DCC: variants seen among roughly 807,000 people sequenced by gnomAD.
DCC encodes the protein netrin receptor DCC.
DCC carries 58 observed loss-of-function variants against 172.5 expected under a neutral mutation model. The observed-to-expected ratio is 0.34, with a 90% CI of 0.27 to 0.42. The LOEUF (loss-of-function observed/expected upper bound fraction) is 0.42. Among genes scored for constraint, DCC ranks in the 10% least tolerant of loss-of-function variants. The pLI is 1.00. For missense variants in DCC, 1,740 were observed against 1,791.0 expected, an observed-to-expected ratio of 0.97 and a Z score of 0.51; for synonymous variants, 709 against 644.5, an observed-to-expected ratio of 1.10 and a Z score of -1.52.
At chr18:52,508,320 A>AT (rs1368091704) in intron 1 of DCC, among the ~76,000 whole-genome samples, 3 of 152,142 alleles carry the variant, frequency 2.0e-5, no homozygotes, top group African/African-American at 7.2e-5. Flanking sequence ...ATCTTTATAC[A>AT]TTTTATCATT....
chr18:52,487,810 C>CAAAAAAAAA (rs5824940), intron 1 of DCC, among the ~76,000 whole-genome samples: 19 of 74,398 alleles, frequency 2.6e-4, no homozygotes, highest in South Asian at 7.5e-4. Context: ...GACTCCACCT[C>CAAAAAAAAA]AAAAAAAAAA....
intron 2 of DCC, among the ~76,000 whole-genome samples, chr18:52,900,663 T>C (rs2039796561): frequency 6.6e-6 from 1 of 152,262 alleles, no homozygotes; most frequent in South Asian, 2.1e-4. Flanking sequence ...CTTTCCTTTT[T>C]ATAGTTTCTC....
chr18:52,406,606 T>C (rs1986660925), intron 1 of DCC, among the ~76,000 whole-genome samples: 1 of 152,110 alleles, frequency 6.6e-6, no homozygotes, highest in Admixed American at 6.6e-5. Flanking sequence ...TCTGTGCCCT[T>C]CTGATTAAAA....
intron 1 of DCC, among the ~76,000 whole-genome samples, chr18:52,561,114 TC>T (rs1480976851): frequency 6.6e-6 from 1 of 152,054 alleles, no homozygotes; most frequent in East Asian, 1.9e-4. Context: ...TTTTTTAATT[TC>T]TTTATTGCCC....
At chr18:52,934,824 T>C (rs752039427) in intron 5 of DCC, 5 of 152,160 alleles carry the variant, frequency 3.3e-5, no homozygotes, top group Non-Finnish European at 7.3e-5. Flanking sequence ...GAAAAGGCCA[T>C]GTGAGAACAG....
intron 12 of DCC, among the ~76,000 whole-genome samples, chr18:53,227,697 A>C (rs1036909211): frequency 2.6e-5 from 4 of 152,214 alleles, no homozygotes; most frequent in Admixed American, 1.3e-4. Context: ...ATCTTAATGC[A>C]ACTGGTGGAA....
intron 1 of DCC, among the ~76,000 whole-genome samples, chr18:52,663,164 C>A (rs1161308223): frequency 1.3e-5 from 2 of 152,164 alleles, no homozygotes; most frequent in Non-Finnish European, 2.9e-5. Context: ...CTGTGTGCAG[C>A]CAAGTTTCAA....
chr18:53,062,885 G>A (rs2042515207), intron 5 of DCC, among the ~76,000 whole-genome samples: 1 of 152,034 alleles, frequency 6.6e-6, no homozygotes, highest in African/African-American at 2.4e-5. Flanking sequence ...TAGAATTACA[G>A]GACAACTGAG....
At chr18:53,040,066 T>C (rs1447441938) in intron 5 of DCC, among the ~76,000 whole-genome samples, 1 of 151,896 alleles carries the variant, frequency 6.6e-6, no homozygotes, top group African/African-American at 2.4e-5. Context: ...AGAGGCTGAA[T>C]GTCAAAGCTT....
chr18:53,342,809 CTG>C (rs1410888846), intron 15 of DCC, among the ~76,000 whole-genome samples: 4 of 121,692 alleles, frequency 3.3e-5, no homozygotes, highest in Non-Finnish European at 5.6e-5. Flanking sequence ...ATATTTAGGA[CTG>C]TTTAAATTAT....
chr18:52,825,879 A>G lies in DCC; in HGVS notation c.412+73505A>G, dbSNP rs1221875024. Among the ~76,000 whole-genome samples the G allele has an allele frequency of 2.6e-5, 4 of 152,238 alleles. 1 individual carries two copies. In the South Asian group the frequency reaches 8.3e-4, roughly 31 times the overall value. ...GGTTTCAAATGCATGCCCAGGAGGCAAAATACTGAATAAACTGTGATGACT... is the reference window on the plus strand; with the variant it reads ...GGTTTCAAATGCATGCCCAGGAGGCGAAATACTGAATAAACTGTGATGACT... On this transcript the variant is annotated intron_variant, in intron 2 of 28. Coordinates refer to ENST00000442544, the MANE Select transcript of DCC (RefSeq NM_005215.4).
At chr18:52,772,296 G>A (rs1046821924) in intron 2 of DCC, among the ~76,000 whole-genome samples, 1 of 152,158 alleles carries the variant, frequency 6.6e-6, no homozygotes, top group Non-Finnish European at 1.5e-5. Context: ...GTAAACCATG[G>A]ATATCAAGAG....
chr18:52,388,691 T>C (rs1985914369), intron 1 of DCC, among the ~76,000 whole-genome samples: 1 of 152,120 alleles, frequency 6.6e-6, no homozygotes, highest in African/African-American at 2.4e-5. Flanking sequence ...ATGTATTCTT[T>C]GGACATTTTT....
intron 15 of DCC, among the ~76,000 whole-genome samples, chr18:53,367,287 G>A (rs1044509596): frequency 1.3e-5 from 2 of 151,726 alleles, no homozygotes; most frequent in African/African-American, 4.9e-5. Flanking sequence ...AATGAGTATA[G>A]CCCTCTCATT....
At chr18:52,843,216 T>C (rs1416002694) in intron 2 of DCC, among the ~76,000 whole-genome samples, 1 of 152,228 alleles carries the variant, frequency 6.6e-6, no homozygotes, top group Non-Finnish European at 1.5e-5. Context: ...AACTAGACTG[T>C]GTTTATGCAA....
At chr18:52,958,899 G>A (rs762400157) in intron 5 of DCC, among the ~76,000 whole-genome samples, 16 of 152,190 alleles carry the variant, frequency 1.1e-4, no homozygotes, top group Non-Finnish European at 1.9e-4. Flanking sequence ...CACAGCCCGC[G>A]GGCCATATGC....
At chr18:52,394,008 C>T (rs920530949) in intron 1 of DCC, among the ~76,000 whole-genome samples, 2 of 152,034 alleles carry the variant, frequency 1.3e-5, no homozygotes, top group Non-Finnish European at 2.9e-5. Context: ...CCACACAGTA[C>T]CCTACCTACT....
At position 52,627,808 on chromosome 18, in the gene DCC, C is replaced by T. The variant is rs370266821; in HGVS notation, c.92-124246C>T. Among the ~76,000 whole-genome samples, 22 of 152,276 alleles carry T rather than the reference C, an allele frequency of 1.4e-4. No individual in the cohort carries two copies. The East Asian group carries it at 4.3e-3, about 29-fold the overall frequency. The stretch of plus-strand genomic sequence containing the variant: ...TGTGAGCCAGAGTTTGGAAGTGTAC[C>T]TGGTCATTTGCTTGGTGTTACCATT... On this transcript the variant is annotated intron_variant, in intron 1 of 28. Coordinates refer to ENST00000442544, the MANE Select transcript of DCC (RefSeq NM_005215.4).
At chr18:53,494,458 A>T (rs1393822936) in intron 26 of DCC, among the ~76,000 whole-genome samples, 1 of 152,170 alleles carries the variant, frequency 6.6e-6, no homozygotes, top group African/African-American at 2.4e-5. Context: ...ATCTCTTTGT[A>T]GGTCTATAAG....
Sources: gnomAD v4.1 joint callset for allele counts (sites outside exome capture counted in the v4.1 genomes callset) on GRCh38, gnomAD v4.1.1 for gene constraint, MANE v1.5 for transcripts, NCBI Gene and HGNC (gene_info 2026-07-23, HGNC 2026-07-21) for gene names.